Variants in CHD1 observed in about 807,000 individuals in gnomAD.
CHD1 encodes the protein ATP-dependent chromatin remodeler CHD1.
CHD1 carries 36 observed loss-of-function variants against 224.2 expected under a neutral mutation model. The observed-to-expected ratio is 0.16, with a 90% CI of 0.12 to 0.21. The LOEUF is 0.21. Ranked by LOEUF, CHD1 falls within the 10% of genes least tolerant of loss-of-function variation. The pLI, the probability that CHD1 is intolerant of heterozygous loss-of-function variation, is 1.00. For synonymous variants in CHD1, 668 were observed against 658.3 expected (o/e 1.01, Z -0.23); for missense variants, 1,378 against 1,994.8 (o/e 0.69, Z 5.89).
At chr5:98,904,269 C>T (rs1751907492) in intron 3 of CHD1, among the ~76,000 whole-genome samples, 1 of 152,140 alleles carries the variant, frequency 6.6e-6, no homozygotes, top group South Asian at 2.1e-4. Flanking sequence ...ATTGTTTTAG[C>T]TCAGATTTGA....
chr5:98,861,668 C>CTT (rs758149488), intron 32 of CHD1, among the ~76,000 whole-genome samples: 12 of 139,966 alleles, frequency 8.6e-5, no homozygotes, highest in Admixed American at 2.2e-4. Flanking sequence ...TGCCCGACTA[C>CTT]TTTTTTTTTT....
At chr5:98,926,920 G>GGT (rs1753500683) in intron 1 of CHD1, among the ~76,000 whole-genome samples, 2 of 57,090 alleles carry the variant, frequency 3.5e-5, no homozygotes, top group Non-Finnish European at 3.7e-5. Context: ...AAATGAAGTG[G>GGT]GGGGGGGGGT....
intron 11 of CHD1, among the ~76,000 whole-genome samples, chr5:98,896,929 T>C (rs1233272161): frequency 6.6e-6 from 1 of 152,056 alleles, no homozygotes; most frequent in Non-Finnish European, 1.5e-5. Flanking sequence ...AGGAATAGCA[T>C]GGGATGAGAA....
intron 23 of CHD1, among the ~76,000 whole-genome samples, chr5:98,877,019 T>C (rs1452609885): frequency 4.6e-5 from 7 of 152,038 alleles, no homozygotes; most frequent in Non-Finnish European, 1.0e-4. Context: ...AAATTTAAAA[T>C]ATTAGCCAGG....
intron 2 of CHD1, among the ~76,000 whole-genome samples, chr5:98,913,948 T>C (rs1208088184): frequency 6.6e-6 from 1 of 152,110 alleles, no homozygotes; most frequent in East Asian, 1.9e-4. Flanking sequence ...AATTCCTTAA[T>C]GTTTGTGGCA....
intron 2 of CHD1, among the ~76,000 whole-genome samples, chr5:98,905,838 G>T (rs1322721468): frequency 6.6e-6 from 1 of 152,052 alleles, no homozygotes; most frequent in Non-Finnish European, 1.5e-5. Context: ...CCAAGATAGA[G>T]CAGAAATAGT....
chr5:98,883,542 G>C (rs1417418148), intron 18 of CHD1, among the ~76,000 whole-genome samples: 1 of 151,862 alleles, frequency 6.6e-6, no homozygotes, highest in East Asian at 1.9e-4. Flanking sequence ...ATGGAAAACA[G>C]CGTGGAAATT....
At chr5:98,888,999 T>C in intron 16 of CHD1, 77 bp downstream of exon 16, 2 of 967,676 alleles carry the variant, frequency 2.1e-6, no homozygotes, top group Non-Finnish European at 3.0e-6. Flanking sequence ...GTTAAAGCAT[T>C]GAGCCATTTT....
In CHD1 at chr5:98,899,581, G is replaced by A. The variant is rs1372582888; in HGVS notation, c.984C>T (p.Ile328=). Residue 328 remains isoleucine (I), a synonymous_variant, in exon 8 of 36, where the codon ATC becomes ATT. Transcript: ENST00000614616. ...YLIKWKGWSH[I]HNTWETEETL... is the part of the protein sequence containing the mutation. ...TTTCTTCTGTCTCCCAAGTGTTGTG[G>A]ATATGGGACCATCCTTTCCATTTAA... 6.2e-7 allele frequency: 1 copy of A among 1,613,176 alleles called. No individual in the cohort carries two copies. The highest frequency in any genetic ancestry group is 1.3e-5 in the African/African-American group (1 of 74,736).
intron 2 of CHD1, among the ~76,000 whole-genome samples, chr5:98,914,487 TAG>T (rs1042724446): frequency 1.3e-5 from 2 of 152,016 alleles, no homozygotes; most frequent in Admixed American, 1.3e-4. Context: ...AGTACTGAGC[TAG>T]AGTTTCTATT....
chr5:98,899,195 A>G (rs2112510689), intron 8 of CHD1, among the ~76,000 whole-genome samples: 1 of 152,340 alleles, frequency 6.6e-6, no homozygotes, highest in Middle Eastern at 3.4e-3. Flanking sequence ...AGATGTTCTT[A>G]TAATACCCAA....
intron 2 of CHD1, among the ~76,000 whole-genome samples, chr5:98,913,213 G>C (rs934454684): frequency 6.6e-6 from 1 of 152,150 alleles, no homozygotes; most frequent in Non-Finnish European, 1.5e-5. Flanking sequence ...GCTCACACCT[G>C]TAATCCCAAC....
chr5:98,904,857 T>A, intron 3 of CHD1, 40 bp downstream of exon 3: 1 of 1,587,980 alleles, frequency 6.3e-7, no homozygotes, highest in South Asian at 1.1e-5. Context: ...CCCAAAGTAA[T>A]ACAAGCAATC....
intron 5 of CHD1, among the ~76,000 whole-genome samples, chr5:98,902,115 A>G: frequency 6.6e-6 from 1 of 152,080 alleles, no homozygotes; most frequent in East Asian, 1.9e-4. Flanking sequence ...ACCGAAAAAA[A>G]GTTTCCGTTG....
intron 23 of CHD1, among the ~76,000 whole-genome samples, chr5:98,878,990 G>C (rs757649444): frequency 2.0e-5 from 3 of 152,170 alleles, no homozygotes; most frequent in Non-Finnish European, 4.4e-5. Context: ...CCAACATTTT[G>C]GTAGGCCAAG....
intron 4 of CHD1, 132 bp downstream of exon 4, chr5:98,903,660 G>C: frequency 1.4e-6 from 1 of 740,710 alleles, no homozygotes; most frequent in African/African-American, 1.8e-5. Flanking sequence ...CAAGATTCTT[G>C]ATATATACAC....
chr5:98,870,706 T>A lies in CHD1; in HGVS notation c.3959A>T (p.Lys1320Ile). The A allele has an allele frequency of 6.3e-7, 1 of 1,599,026 alleles. No homozygotes were observed. Among genetic ancestry groups the A allele is most frequent in the Non-Finnish European group, 8.5e-7 (1 of 1,172,474 alleles). ...ACTTACCGCACCAGAAAGAGCTTCT[T>A]TTTTTGCAAGATCTCTACTAAGTAA... ...IKLLSRDLAK[K>I]EALSGAGSSK... is the part of the protein sequence containing the mutation. Residue 1320 changes from lysine to isoleucine, a missense_variant, in exon 29 of 36, where the codon AAA becomes ATA. By Grantham distance (102) the Lys-to-Ile change is moderately radical. This residue lies in a region of CHD1 where 105 missense variants were observed against 93.4 expected (regional missense o/e 1.12). Coordinates refer to ENST00000614616, the MANE Select transcript of CHD1 (RefSeq NM_001270.4).
At chr5:98,919,406 G>A (rs1561279195) in intron 2 of CHD1, among the ~76,000 whole-genome samples, 1 of 152,070 alleles carries the variant, frequency 6.6e-6, no homozygotes, top group Non-Finnish European at 1.5e-5. Flanking sequence ...CACTCAAAGG[G>A]GTGAGAGAAA....
chr5:98,912,571 T>C (rs1752492135), intron 2 of CHD1, among the ~76,000 whole-genome samples: 1 of 151,994 alleles, frequency 6.6e-6, no homozygotes, highest in African/African-American at 2.4e-5. Context: ...CTCAGGAGGC[T>C]GAGGCACGGG....
Sources: allele counts gnomAD v4.1 joint callset (sites outside exome capture counted in the v4.1 genomes callset), GRCh38; gene constraint gnomAD v4.1.1; regional missense constraint gnomAD v4.1.1; transcripts MANE v1.5; gene names NCBI Gene and HGNC (gene_info 2026-07-23, HGNC 2026-07-21).